The following MYCBPAP variants were observed in gnomAD, a reference collection of about 807,000 sequenced individuals.
MYCBPAP encodes the protein MYCBP-associated protein.
A neutral mutation model predicts 106.1 loss-of-function variants in MYCBPAP; 60 were observed. The ratio of observed to expected loss-of-function variants is 0.57; its 90% CI spans 0.46 to 0.70. The LOEUF is 0.70. MYCBPAP is among the 30% of genes least tolerant of loss of function. MYCBPAP has a pLI of 0.00. For synonymous variants in MYCBPAP, 407 were observed against 440.6 expected (o/e 0.92, Z 0.95); for missense variants, 1,064 against 1,169.3 (o/e 0.91, Z 1.31).
At chr17:50,529,252 C>A in intron 18 of MYCBPAP, 64 bp downstream of exon 18, 2 of 1,474,972 alleles carry the variant, frequency 1.4e-6, no homozygotes, top group South Asian at 1.3e-5. Context: ...TCCGTTCAGT[C>A]TGCAGACAAT....
At chr17:50,513,389 GAAA>G (rs35533042) in intron 1 of MYCBPAP, among the ~76,000 whole-genome samples, 1 of 144,492 alleles carries the variant, frequency 6.9e-6, no homozygotes, top group Non-Finnish European at 1.5e-5. Flanking sequence ...TCCATCTCAA[GAAA>G]AAAAAAAAGA....
chr17:50,521,855 T>G, intron 9 of MYCBPAP, 118 bp from the exon 10 acceptor site: 3 of 837,496 alleles, frequency 3.6e-6, no homozygotes, highest in South Asian at 3.1e-5. Context: ...TTGATCATAC[T>G]CCATTGCAGG....
intron 1 of MYCBPAP, among the ~76,000 whole-genome samples, chr17:50,512,613 T>C (rs2143899334): frequency 6.6e-6 from 1 of 152,366 alleles, no homozygotes; most frequent in South Asian, 2.1e-4. Context: ...CTATTGCCTG[T>C]ACCGCAAATG....
At position 50,518,596 on chromosome 17, in the gene MYCBPAP, G is replaced by A. The variant is rs747164702; in HGVS notation, c.524G>A (p.Gly175Glu). 43 of 1,608,470 alleles carry A rather than the reference G, an allele frequency of 2.7e-5. No individual in the cohort carries two copies. Among genetic ancestry groups the A allele is most frequent in the South Asian group, 1.8e-4 (16 of 90,336 alleles). The change falls in exon 5 of 19, where the codon GGA becomes GAA. Residue 175 changes from glycine to glutamate, a missense_variant. By Grantham distance (98) the Gly-to-Glu change is moderately conservative (BLOSUM62 -2). Coordinates refer to ENST00000323776, the MANE Select transcript of MYCBPAP (RefSeq NM_032133.6). Reference sequence around the variant, plus strand: ...CTGATGACCCTCATCTCTGCTGAAGGAGAGTCAAAGCAAAAAGCCCCAAAA... The same window carrying A: ...CTGATGACCCTCATCTCTGCTGAAGAAGAGTCAAAGCAAAAAGCCCCAAAA... ...PCLMTLISAE[G>E]ESKQKAPKEE...
intron 1 of MYCBPAP, chr17:50,510,533 A>ATATATATG (rs1567879382): frequency 1.5e-5 from 2 of 130,916 alleles, no homozygotes; most frequent in Admixed American, 7.9e-5. Flanking sequence ...ATATATATAT[A>ATATATATG]TATGTATTTT....
chr17:50,523,807 C>T (rs749985382), intron 12 of MYCBPAP, 23 bp downstream of exon 12: 2 of 1,600,216 alleles, frequency 1.2e-6, no homozygotes, highest in Non-Finnish European at 1.7e-6. Context: ...GGACCATGGC[C>T]CCTGTGGACA....
intron 16 of MYCBPAP, 73 bp from the exon 17 acceptor site, chr17:50,528,622 C>T (rs2034533546): frequency 1.2e-5 from 19 of 1,563,618 alleles, no homozygotes; most frequent in Middle Eastern, 1.7e-4. Flanking sequence ...TCCCCTCAAG[C>T]CTCCTCACGT....
rs766330950 is a variant in MYCBPAP at position 50,525,985 on chromosome 17, C to A, written c.1887C>A (p.His629Gln). 28 of 1,613,742 alleles carry A rather than the reference C, an allele frequency of 1.7e-5. No individual in the cohort carries two copies. Among genetic ancestry groups the A allele is most frequent in the Non-Finnish European group, 2.3e-5 (27 of 1,180,044 alleles). Residue 629 changes from histidine (H) to glutamine (Q), a missense_variant, in exon 14 of 19, where the codon CAC (histidine) becomes CAA (glutamine). Physicochemically the swap from His to Gln is conservative, Grantham distance 24. Coordinates refer to ENST00000323776, the MANE Select transcript of MYCBPAP (RefSeq NM_032133.6). ...AEEARPGDKE[H>Q]VSPIATEKAS... ...AGGCCAGGCCAGGGGACAAGGAGCA[C>A]GTCAGCCCCATAGCCACAGAGAAGG...
chr17:50,509,858 A>G (rs891150990), intron 1 of MYCBPAP: 10 of 152,258 alleles, frequency 6.6e-5, no homozygotes, highest in Middle Eastern at 3.2e-3. Context: ...GTAGGTGCCC[A>G]TCGGGCTTAA....
intron 12 of MYCBPAP, among the ~76,000 whole-genome samples, chr17:50,524,112 T>A (rs2034372866): frequency 6.6e-6 from 1 of 152,244 alleles, no homozygotes; most frequent in Non-Finnish European, 1.5e-5. Flanking sequence ...TTCATCGCTG[T>A]CTGGTACTAC....
At chr17:50,523,363 G>C (rs2034347281) in intron 11 of MYCBPAP, among the ~76,000 whole-genome samples, 1 of 152,174 alleles carries the variant, frequency 6.6e-6, no homozygotes, top group South Asian at 2.1e-4. Context: ...AGCGTTCTAG[G>C]GGCTCAGTTA....
chr17:50,510,089 G>C (rs1354480732), intron 1 of MYCBPAP: 1 of 152,196 alleles, frequency 6.6e-6, no homozygotes, highest in African/African-American at 2.4e-5. Context: ...TACTAGGTCA[G>C]AAAGCCTGGA....
Position 50,525,003 on chromosome 17 carries a change from T to C in MYCBPAP, c.1762T>C (p.Phe588Leu), listed in dbSNP as rs1244660791. 14 of 1,613,264 alleles carry C rather than the reference T, an allele frequency of 8.7e-6. No individual in the cohort carries two copies. The highest frequency in any genetic ancestry group is 1.1e-5 in the Non-Finnish European group (13 of 1,179,676). Residue 588 changes from phenylalanine (F) to leucine (L), a missense_variant, in exon 13 of 19, where the codon TTC (phenylalanine) becomes CTC (leucine). Physicochemically the swap from Phe to Leu is conservative, Grantham distance 22 (BLOSUM62 0). Coordinates refer to ENST00000323776, the MANE Select transcript of MYCBPAP (RefSeq NM_032133.6). ...TGCCTATCTCACCGAGGAAGACTTG[T>C]TCCGGCACAGAAATCCTCCGGTGAG... ...VDAYLTEEDL[F>L]RHRNPPLHYE...
At chr17:50,510,945 A>T (rs1016192011) in intron 1 of MYCBPAP, among the ~76,000 whole-genome samples, 1 of 152,068 alleles carries the variant, frequency 6.6e-6, no homozygotes, top group African/African-American at 2.4e-5. Flanking sequence ...ATCAGATTTG[A>T]ACTGCTGTAA....
At chr17:50,523,523 C>A in intron 11 of MYCBPAP, 74 bp from the exon 12 acceptor site, 1 of 1,477,912 alleles carries the variant, frequency 6.8e-7, no homozygotes, top group Non-Finnish European at 9.4e-7. Context: ...CAGTTAACTG[C>A]ATGTAGGAGC....
chr17:50,521,198 C>A lies in MYCBPAP; in HGVS notation c.1005C>A (p.Ile335=). ...ACCGACGCAAGGAGCTGCAGAGAAT[C>A]ATGGAAGAGCTGGATTTCAGCCAGC... ...LIYRRKELQR[I]MEELDFSQQD... is the part of the protein sequence containing the mutation. Residue 335 remains isoleucine (I), a synonymous_variant, in exon 8 of 19, where the codon ATC becomes ATA. Coordinates refer to ENST00000323776, the MANE Select transcript of MYCBPAP (RefSeq NM_032133.6). The A allele has an allele frequency of 6.2e-7, 1 of 1,613,348 alleles. No homozygotes were observed. Among genetic ancestry groups the A allele is most frequent in the African/African-American group, 1.3e-5 (1 of 75,050 alleles).
intron 1 of MYCBPAP, chr17:50,515,044 G>C (rs925596017): frequency 3.3e-5 from 8 of 244,510 alleles, no homozygotes; most frequent in African/African-American, 1.6e-4. Context: ...CCACACTCCA[G>C]CTATTCAAAA....
At chr17:50,530,095 C>T in intron 18 of MYCBPAP, 1 of 359,658 alleles carries the variant, frequency 2.8e-6, no homozygotes, top group South Asian at 2.1e-5. Flanking sequence ...CCACTGGTGA[C>T]ATCACTAAGA....
chr17:50,513,639 G>GT (rs2033939640), intron 1 of MYCBPAP, among the ~76,000 whole-genome samples: 1 of 152,198 alleles, frequency 6.6e-6, no homozygotes, highest in Non-Finnish European at 1.5e-5. Context: ...CTATTGACAC[G>GT]TGGTAATTGT....
Sources: allele counts gnomAD v4.1 joint callset (sites outside exome capture counted in the v4.1 genomes callset), GRCh38; gene constraint gnomAD v4.1.1; transcripts MANE v1.5; gene names NCBI Gene and HGNC (gene_info 2026-07-23, HGNC 2026-07-21).